Variants in CHN2 observed in about 807,000 individuals in gnomAD.
CHN2 encodes beta-chimaerin.
Under a neutral mutation model 56.3 loss-of-function variants are expected in CHN2, and 35 were observed. The ratio of observed to expected loss-of-function variants is 0.62; its 90% CI spans 0.47 to 0.82. CHN2 has a LOEUF of 0.82. Ranked by LOEUF, CHN2 falls within the 40% of genes least tolerant of loss-of-function variation. The probability of loss-of-function intolerance (pLI) is 0.00; values close to 1 mark genes in which losing one functional copy is unlikely to be tolerated. For missense variants in CHN2, 491 were observed against 580.5 expected (o/e 0.85, Z 1.58); for synonymous variants, 210 against 212.8 (o/e 0.99, Z 0.12).
Position 29,230,316 on chromosome 7 carries a change from C to G in CHN2, c.49+35326C>G, listed in dbSNP as rs1010309270. Among the ~76,000 whole-genome samples the G allele has an allele frequency of 2.0e-5, 3 of 152,162 alleles. No individual in the cohort carries two copies. The East Asian group carries it at 5.8e-4, about 29-fold the overall frequency. On this transcript the variant is annotated intron_variant, in intron 1 of 12. Coordinates refer to ENST00000222792, the MANE Select transcript of CHN2 (RefSeq NM_004067.4). ...CGTTGTAAAAATAACTTACCTAAATCTTTTATAAAATAGTGTAAACCCAAT... is the reference window on the plus strand; with the variant it reads ...CGTTGTAAAAATAACTTACCTAAATGTTTTATAAAATAGTGTAAACCCAAT...
At chr7:29,466,065 G>T (rs1406154431) in intron 6 of CHN2, among the ~76,000 whole-genome samples, 3 of 152,126 alleles carry the variant, frequency 2.0e-5, no homozygotes, top group Non-Finnish European at 4.4e-5. Context: ...TTAGCAAGGT[G>T]TTGGGGGTGC....
intron 2 of CHN2, among the ~76,000 whole-genome samples, chr7:29,156,583 C>T (rs949432690): frequency 2.6e-5 from 4 of 152,130 alleles, no homozygotes; most frequent in East Asian, 1.9e-4. Flanking sequence ...AAGGCATCCC[C>T]GATAAAGGTC....
At chr7:29,177,536 G>C (rs75816476) in intron 2 of CHN2, among the ~76,000 whole-genome samples, 17,829 of 150,604 alleles carry the variant, frequency 0.12, 1,231 homozygotes, top group African/African-American at 0.18. Context: ...TTACAGGCAT[G>C]ACCCACCGTG....
intron 6 of CHN2, among the ~76,000 whole-genome samples, chr7:29,409,763 A>C (rs1803019172): frequency 6.6e-6 from 1 of 152,186 alleles, no homozygotes; most frequent in South Asian, 2.1e-4. Context: ...GACATCATGG[A>C]CTCTCTAAAG....
At chr7:29,428,175 TAGC>T (rs1287316911) in intron 6 of CHN2, among the ~76,000 whole-genome samples, 7 of 152,310 alleles carry the variant, frequency 4.6e-5, no homozygotes, top group Non-Finnish European at 8.8e-5. Context: ...GGGACTATGA[TAGC>T]AACAACTTGG....
chr7:29,228,391 T>C (rs1786391632), intron 1 of CHN2, among the ~76,000 whole-genome samples: 1 of 152,222 alleles, frequency 6.6e-6, no homozygotes, highest in Admixed American at 6.5e-5. Context: ...TATAGTACCA[T>C]GCTGTACAGG....
At chr7:29,473,050 G>A (rs1340756825) in intron 6 of CHN2, among the ~76,000 whole-genome samples, 1 of 152,200 alleles carries the variant, frequency 6.6e-6, no homozygotes, top group Non-Finnish European at 1.5e-5. Flanking sequence ...AGGGTAGCAG[G>A]AAGAAAGTGG....
At chr7:29,476,970 C>T (rs1285073013) in intron 6 of CHN2, among the ~76,000 whole-genome samples, 1 of 152,078 alleles carries the variant, frequency 6.6e-6, no homozygotes, top group Non-Finnish European at 1.5e-5. Context: ...AGACGGTCAG[C>T]AAATGTATTA....
intron 1 of CHN2, among the ~76,000 whole-genome samples, chr7:29,310,402 T>A (rs1268929775): frequency 6.6e-6 from 1 of 152,194 alleles, no homozygotes; most frequent in African/African-American, 2.4e-5. Flanking sequence ...GTATTTGCAA[T>A]TAAAATGTAT....
At chr7:29,247,123 A>G (rs1319890497) in intron 1 of CHN2, among the ~76,000 whole-genome samples, 1 of 152,116 alleles carries the variant, frequency 6.6e-6, no homozygotes, top group East Asian at 1.9e-4. Flanking sequence ...TGAAAGATGG[A>G]TGGGATTTCA....
chr7:29,431,533 G>C (rs10252671), intron 6 of CHN2, among the ~76,000 whole-genome samples: 5,786 of 152,260 alleles, frequency 0.038, 276 homozygotes, highest in African/African-American at 0.096. Flanking sequence ...ACTGGGCATG[G>C]TGGGCACGTT....
At chr7:29,311,072 C>G (rs1253767378) in intron 1 of CHN2, among the ~76,000 whole-genome samples, 1 of 152,178 alleles carries the variant, frequency 6.6e-6, no homozygotes, top group African/African-American at 2.4e-5. Flanking sequence ...AGATGTTTTC[C>G]CTTCCTACTG....
intron 2 of CHN2, among the ~76,000 whole-genome samples, chr7:29,149,483 C>T (rs181572112): frequency 3.9e-5 from 6 of 152,028 alleles, no homozygotes; most frequent in African/African-American, 9.6e-5. Context: ...TGTAAGCCAC[C>T]GTGCCCAGCC....
intron 1 of CHN2, among the ~76,000 whole-genome samples, chr7:29,263,893 A>G (rs2128835428): frequency 6.9e-6 from 1 of 144,228 alleles, no homozygotes; most frequent in East Asian, 2.2e-4. Context: ...GGAAGTGAGG[A>G]GCGTCTCCGC....
At chr7:29,448,085 C>T (rs1414801477) in intron 6 of CHN2, among the ~76,000 whole-genome samples, 1 of 152,114 alleles carries the variant, frequency 6.6e-6, no homozygotes, top group Admixed American at 6.5e-5. Flanking sequence ...TGGTTAATGA[C>T]CTTTATTCTG....
At chr7:29,210,111 A>T (rs1240794273) in intron 1 of CHN2, among the ~76,000 whole-genome samples, 1 of 152,138 alleles carries the variant, frequency 6.6e-6, no homozygotes, top group Non-Finnish European at 1.5e-5. Context: ...GATTTTTCTG[A>T]TCTGCCTGTT....
Position 29,325,914 on chromosome 7 carries a change from A to C in CHN2, c.50-28711A>C, listed in dbSNP as rs144622562. Among the ~76,000 whole-genome samples, 303 of 152,342 alleles carry C rather than the reference A, an allele frequency of 2.0e-3. 1 individual carries two copies. The highest frequency in any genetic ancestry group is 7.2e-3 in the African/African-American group (299 of 41,582). ...GTTAGGAAAACTGGACCATATTTTC[A>C]TGATCTGCTTCTAAATAGACTCTGA... On this transcript the variant is annotated intron_variant, in intron 1 of 12. Transcript: ENST00000222792.
intron 1 of CHN2, among the ~76,000 whole-genome samples, chr7:29,210,217 A>G (rs1784810675): frequency 6.6e-6 from 1 of 152,168 alleles, no homozygotes; most frequent in African/African-American, 2.4e-5. Flanking sequence ...TATTTCAAAT[A>G]GCAATTACCA....
intron 6 of CHN2, among the ~76,000 whole-genome samples, chr7:29,406,726 G>C (rs746689319): frequency 3.9e-5 from 6 of 152,290 alleles, no homozygotes; most frequent in Middle Eastern, 3.4e-3. Flanking sequence ...AGGAGCCACT[G>C]TGTGGGGGAC....
Sources: allele counts gnomAD v4.1 joint callset (sites outside exome capture counted in the v4.1 genomes callset), GRCh38; gene constraint gnomAD v4.1.1; transcripts MANE v1.5; gene names NCBI Gene and HGNC (gene_info 2026-07-23, HGNC 2026-07-21).